The following LRGUK variants were observed in gnomAD, a reference collection of about 807,000 sequenced individuals.
LRGUK encodes the protein leucine rich repeats and guanylate kinase domain containing.
A neutral mutation model predicts 76.0 loss-of-function variants in LRGUK; 65 were observed. The observed-to-expected ratio is 0.85, with a 90% CI of 0.70 to 1.05. The LOEUF (loss-of-function observed/expected upper bound fraction) is 1.05. Ranked by LOEUF, LRGUK falls within the 50% of genes least tolerant of loss-of-function variation. The pLI is 0.00. For synonymous variants in LRGUK, 268 were observed against 265.6 expected, an observed-to-expected ratio of 1.01 and a Z score of -0.09; for missense variants, 758 against 732.8, an observed-to-expected ratio of 1.03 and a Z score of -0.40.
intron 16 of LRGUK, among the ~76,000 whole-genome samples, chr7:134,244,161 A>G (rs1802235311): frequency 6.6e-6 from 1 of 152,226 alleles, no homozygotes; most frequent in African/African-American, 2.4e-5. Context: ...TCATGACTAA[A>G]ACACCAAAAG....
At chr7:134,265,001 TC>T (rs1802830669), downstream of LRGUK, among the ~76,000 whole-genome samples, 2 of 152,178 alleles carry the variant, frequency 1.3e-5, no homozygotes, top group Non-Finnish European at 2.9e-5. Flanking sequence ...GCTCTTGTCC[TC>T]CCCCAGTCCT....
chr7:134,218,379 C>T (rs566907298), intron 15 of LRGUK, among the ~76,000 whole-genome samples: 1 of 152,118 alleles, frequency 6.6e-6, no homozygotes, highest in Non-Finnish European at 1.5e-5. Context: ...AGTGTTGATA[C>T]ATTTTTTTTG....
intron 2 of LRGUK, among the ~76,000 whole-genome samples, chr7:134,137,902 C>T (rs567553501): frequency 6.6e-6 from 1 of 151,534 alleles, no homozygotes; most frequent in African/African-American, 2.4e-5. Context: ...CATGATTTGG[C>T]GAAAGGGTAT....
At chr7:134,201,535 G>A in exon 15 of LRGUK, 1 of 1,613,848 alleles carries the variant, frequency 6.2e-7, no homozygotes, top group Non-Finnish European at 8.5e-7. Context: ...GAATACCTTG[G>A]ATTGACTGAG....
exon 16 of LRGUK, chr7:134,209,263 C>T (rs904525025): frequency 5.0e-6 from 2 of 399,152 alleles, no homozygotes; most frequent in South Asian, 1.3e-4. Flanking sequence ...CCACTCCCCT[C>T]AGCCCTCAGA....
intron 6 of LRGUK, among the ~76,000 whole-genome samples, chr7:134,158,772 A>G (rs529933600): frequency 1.3e-5 from 2 of 152,274 alleles, no homozygotes; most frequent in South Asian, 4.1e-4. Context: ...AATTTACAGA[A>G]ATTCAGCAGG....
At chr7:134,213,190 C>T (rs1246839872), downstream of LRGUK, among the ~76,000 whole-genome samples, 2 of 152,044 alleles carry the variant, frequency 1.3e-5, no homozygotes, top group African/African-American at 4.8e-5. Flanking sequence ...TGTGCTACAC[C>T]GAAGAGCTTG....
chr7:134,178,569 G>A, exon 10 of LRGUK: 1 of 1,613,314 alleles, frequency 6.2e-7, no homozygotes, highest in Non-Finnish European at 8.5e-7. Flanking sequence ...CCTGACCCAT[G>A]TTGTCAACAG....
At chr7:134,248,475 G>T (rs1802365839) in intron 17 of LRGUK, among the ~76,000 whole-genome samples, 1 of 152,144 alleles carries the variant, frequency 6.6e-6, no homozygotes, top group Admixed American at 6.5e-5. Context: ...GAACAGACTT[G>T]CATACAGCAC....
downstream of LRGUK, among the ~76,000 whole-genome samples, chr7:134,267,843 G>A (rs1304247053): frequency 2.6e-5 from 4 of 151,950 alleles, no homozygotes; most frequent in East Asian, 3.9e-4. Context: ...TTTGGGTGAC[G>A]GGTTCACTAG....
downstream of LRGUK, among the ~76,000 whole-genome samples, chr7:134,269,309 T>A (rs1802917648): frequency 6.6e-6 from 1 of 152,042 alleles, no homozygotes; most frequent in Non-Finnish European, 1.5e-5. Context: ...TTTGATTTCA[T>A]TGTGGTCAGA....
rs192390735 is a variant in LRGUK at position 134,247,731 on chromosome 7, A to T, written c.2072+87A>T. 120 of 1,026,202 alleles carry T rather than the reference A, an allele frequency of 1.2e-4. No homozygotes were observed. The African/African-American group carries it at 1.9e-3, about 16-fold the overall frequency. 63.6% of individuals were successfully genotyped at this position (1,026,202 alleles called of 1,614,324 possible). ...AATCCTAAATCGTGAACATAAACAG[A>T]GACCTCTGTCCTAAAATGGACCCAG... On this transcript the variant is annotated intron_variant, in intron 17 of 19. Coordinates refer to the LRGUK transcript ENST00000285928.
chr7:134,162,176 C>T (rs1798777292), intron 6 of LRGUK, among the ~76,000 whole-genome samples: 1 of 152,134 alleles, frequency 6.6e-6, no homozygotes. Flanking sequence ...AATAACCATC[C>T]TATTAACTAA....
rs1031177064 is a variant in LRGUK, at chr7:134,231,491, C to T, written c.1983+9573C>T. Among the ~76,000 whole-genome samples the T allele has an allele frequency of 2.7e-5, 4 of 149,816 alleles. No homozygotes were observed. The South Asian group carries it at 6.4e-4, about 24-fold the overall frequency. ...TCCTTCTTTGTTTCCTCCCTCCATT[C>T]CTTCCTTCCTTCGTTCCTTCCTTCC... On this transcript the variant is annotated intron_variant, in intron 16 of 19. Transcript: ENST00000285928.
At chr7:134,167,132 C>T (rs1322033947) in intron 7 of LRGUK, among the ~76,000 whole-genome samples, 1 of 152,168 alleles carries the variant, frequency 6.6e-6, no homozygotes, top group African/African-American at 2.4e-5. Context: ...TACTCCTGCC[C>T]TGGGATGCAA....
intron 10 of LRGUK, among the ~76,000 whole-genome samples, chr7:134,182,123 C>CT (rs892194549): frequency 5.0e-4 from 76 of 152,260 alleles, no homozygotes; most frequent in African/African-American, 1.8e-3. Flanking sequence ...TTGGGATTGG[C>CT]TTTTTTTCAC....
At chr7:134,267,245 G>A (rs1047689937), downstream of LRGUK, among the ~76,000 whole-genome samples, 4 of 152,194 alleles carry the variant, frequency 2.6e-5, no homozygotes, top group Non-Finnish European at 5.9e-5. Flanking sequence ...GCCATAAAAA[G>A]AATGAAAACC....
chr7:134,139,497 T>A, exon 3 of LRGUK: 1 of 1,606,234 alleles, frequency 6.2e-7, no homozygotes, highest in South Asian at 1.1e-5. Context: ...AAGTTGGATC[T>A]TTCAGCGAAT....
At chr7:134,254,396 G>C (rs149123952) in intron 18 of LRGUK, among the ~76,000 whole-genome samples, 2 of 152,272 alleles carry the variant, frequency 1.3e-5, no homozygotes, top group African/African-American at 4.8e-5. Flanking sequence ...AGACTGCGTA[G>C]CTGATAGACA....
Sources: allele counts gnomAD v4.1 joint callset (sites outside exome capture counted in the v4.1 genomes callset), GRCh38; gene constraint gnomAD v4.1.1; transcripts MANE v1.5; gene names NCBI Gene and HGNC (gene_info 2026-07-23, HGNC 2026-07-21).